The following CTNND2 variants were observed in gnomAD, a reference collection of about 807,000 sequenced individuals.
The protein encoded by CTNND2 is catenin delta 2, also known as catenin delta-2.
CTNND2 carries 22 observed loss-of-function variants against 144.4 expected under a neutral mutation model. The ratio of observed to expected loss-of-function variants is 0.15; its 90% CI spans 0.11 to 0.22. The LOEUF (loss-of-function observed/expected upper bound fraction) is 0.22. CTNND2 is among the 10% of genes least tolerant of loss of function. The probability of loss-of-function intolerance (pLI) is 1.00; values close to 1 mark genes in which losing one functional copy is unlikely to be tolerated. For missense variants in CTNND2, 1,353 were observed against 1,618.8 expected (o/e 0.84, Z 2.82); for synonymous variants, 751 against 695.6 (o/e 1.08, Z -1.25).
chr5:11,303,989 G>T (rs111411029), intron 9 of CTNND2, among the ~76,000 whole-genome samples: 1 of 152,048 alleles, frequency 6.6e-6, no homozygotes, highest in Non-Finnish European at 1.5e-5. Context: ...CCTTTCGCTT[G>T]GTTCTCATTC....
intron 3 of CTNND2, among the ~76,000 whole-genome samples, chr5:11,537,964 T>C (rs989970865): frequency 6.6e-6 from 1 of 152,226 alleles, no homozygotes; most frequent in African/African-American, 2.4e-5. Flanking sequence ...ACCTACGCTG[T>C]TACTAGAATA....
intron 1 of CTNND2, among the ~76,000 whole-genome samples, chr5:11,873,208 A>G (rs1032316751): frequency 1.3e-5 from 2 of 152,236 alleles, no homozygotes; most frequent in African/African-American, 2.4e-5. Flanking sequence ...AGTAACAAAA[A>G]AAGCAAAAGG....
intron 2 of CTNND2, among the ~76,000 whole-genome samples, chr5:11,708,152 C>T (rs551938705): frequency 1.3e-5 from 2 of 151,686 alleles, no homozygotes; most frequent in Non-Finnish European, 2.9e-5. Context: ...GCTCAAGCAA[C>T]CCTCCCACTT....
intron 3 of CTNND2, among the ~76,000 whole-genome samples, chr5:11,432,361 G>T (rs749528216): frequency 5.9e-5 from 9 of 151,912 alleles, no homozygotes; most frequent in Admixed American, 1.3e-4. Flanking sequence ...GCCAGATTTT[G>T]AAAGAAATGA....
intron 9 of CTNND2, among the ~76,000 whole-genome samples, chr5:11,285,104 T>C (rs978522095): frequency 2.6e-5 from 4 of 152,168 alleles, no homozygotes; most frequent in Non-Finnish European, 5.9e-5. Flanking sequence ...GATATCTGAT[T>C]CCCCTTAATG....
chr5:11,734,958 C>T (rs892401751), intron 1 of CTNND2, among the ~76,000 whole-genome samples: 3 of 151,738 alleles, frequency 2.0e-5, no homozygotes, highest in Admixed American at 6.6e-5. Flanking sequence ...AAATCTGTTA[C>T]AAACAGAATA....
intron 9 of CTNND2, among the ~76,000 whole-genome samples, chr5:11,258,252 CAT>C (rs1744484792): frequency 6.6e-6 from 1 of 152,188 alleles, no homozygotes; most frequent in African/African-American, 2.4e-5. Context: ...AGGCAGCCGA[CAT>C]ATGGCCCAAA....
chr5:11,542,021 T>C (rs1276694538), intron 3 of CTNND2, among the ~76,000 whole-genome samples: 1 of 151,918 alleles, frequency 6.6e-6, no homozygotes, highest in African/African-American at 2.4e-5. Context: ...TTTGTCCCCG[T>C]AGGGACATCA....
chr5:11,334,651 T>C (rs1485896657), intron 9 of CTNND2, among the ~76,000 whole-genome samples: 2 of 152,204 alleles, frequency 1.3e-5, no homozygotes, highest in Non-Finnish European at 2.9e-5. Flanking sequence ...ACCACTGGGC[T>C]GCATTTCAAA....
At chr5:11,368,745 T>C (rs1296623338) in intron 7 of CTNND2, among the ~76,000 whole-genome samples, 1 of 152,174 alleles carries the variant, frequency 6.6e-6, no homozygotes, top group Non-Finnish European at 1.5e-5. Flanking sequence ...GAAATAAGAA[T>C]ATGTGAATTC....
At chr5:11,245,949 G>A in intron 9 of CTNND2, among the ~76,000 whole-genome samples, 1 of 152,156 alleles carries the variant, frequency 6.6e-6, no homozygotes, top group East Asian at 1.9e-4. Flanking sequence ...TCTAAGAGTT[G>A]GAAATGCAAT....
intron 3 of CTNND2, among the ~76,000 whole-genome samples, chr5:11,532,282 CCCT>C (rs1205239018): frequency 6.6e-6 from 1 of 151,560 alleles, no homozygotes; most frequent in East Asian, 1.9e-4. Flanking sequence ...TCCCTCTTCT[CCCT>C]CCTTTTTCTC....
At chr5:11,025,122 TC>T (rs1213817073) in intron 16 of CTNND2, among the ~76,000 whole-genome samples, 3 of 152,238 alleles carry the variant, frequency 2.0e-5, no homozygotes, top group Non-Finnish European at 4.4e-5. Flanking sequence ...TTTCATTAAG[TC>T]TATTTATCAG....
chr5:11,541,540 A>C (rs1215939980), intron 3 of CTNND2, among the ~76,000 whole-genome samples: 1 of 152,184 alleles, frequency 6.6e-6, no homozygotes, highest in Non-Finnish European at 1.5e-5. Flanking sequence ...AAAAGCCTGT[A>C]GGGATCAGAG....
At chr5:11,436,201 C>T (rs1000347033) in intron 3 of CTNND2, among the ~76,000 whole-genome samples, 2 of 151,680 alleles carry the variant, frequency 1.3e-5, no homozygotes, top group Admixed American at 6.6e-5. Flanking sequence ...GGGCAACAGA[C>T]GAATGGGAGA....
chr5:11,676,378 T>C (rs573267367), intron 2 of CTNND2, among the ~76,000 whole-genome samples: 34 of 152,224 alleles, frequency 2.2e-4, no homozygotes, highest in Non-Finnish European at 4.1e-4. Context: ...CATATATCTT[T>C]AGTATTGTCA....
At chr5:11,258,171 A>G (rs1180932565) in intron 9 of CTNND2, among the ~76,000 whole-genome samples, 1 of 152,166 alleles carries the variant, frequency 6.6e-6, no homozygotes, top group Non-Finnish European at 1.5e-5. Flanking sequence ...CCCAGATATC[A>G]GAGTAGTGCA....
intron 1 of CTNND2, among the ~76,000 whole-genome samples, chr5:11,831,724 T>C (rs1793914382): frequency 6.6e-6 from 1 of 151,526 alleles, no homozygotes; most frequent in Non-Finnish European, 1.5e-5. Flanking sequence ...GAGCCACTGA[T>C]TTTTGACAAA....
chr5:11,117,642 T>A, intron 12 of CTNND2, 75 bp from the exon 13 acceptor site: 1 of 1,171,012 alleles, frequency 8.5e-7, no homozygotes, highest in Non-Finnish European at 1.3e-6. Context: ...CCAGCTGCTC[T>A]CATAGTTTGA....
Sources: allele counts gnomAD v4.1 joint callset (sites outside exome capture counted in the v4.1 genomes callset), GRCh38; gene constraint gnomAD v4.1.1; transcripts MANE v1.5; gene names NCBI Gene and HGNC (gene_info 2026-07-23, HGNC 2026-07-21).